Variants in COL6A5 observed in about 807,000 individuals in gnomAD.
COL6A5 encodes collagen alpha-5(VI) chain.
Under a neutral mutation model 65.6 loss-of-function variants are expected in COL6A5, and 48 were observed. The observed-to-expected ratio is 0.73, with a 90% CI of 0.58 to 0.93. The LOEUF (loss-of-function observed/expected upper bound fraction) is 0.93. COL6A5 is among the 40% of genes least tolerant of loss of function. COL6A5 has a pLI of 0.00. For missense variants in COL6A5, 914 were observed against 928.3 expected (o/e 0.98, Z 0.20); for synonymous variants, 291 against 322.8 (o/e 0.90, Z 1.05).
chr3:130,470,005 C>T (rs921817839), intron 6 of COL6A5, among the ~76,000 whole-genome samples: 2 of 152,046 alleles, frequency 1.3e-5, no homozygotes, highest in Admixed American at 1.3e-4. Flanking sequence ...TAATATCACA[C>T]TGACACTGCC....
At chr3:130,393,411 G>A (rs1936474545) in intron 7 of COL6A5, among the ~76,000 whole-genome samples, 1 of 152,082 alleles carries the variant, frequency 6.6e-6, no homozygotes, top group African/African-American at 2.4e-5. Flanking sequence ...TATTTTCCAG[G>A]TGGTAGCACT....
chr3:130,449,763 T>G (rs1709389683), intron 4 of COL6A5, among the ~76,000 whole-genome samples: 1 of 152,096 alleles, frequency 6.6e-6, no homozygotes, highest in Admixed American at 6.6e-5. Context: ...AAAACGGTAT[T>G]AGGTAGTAAA....
intron 7 of COL6A5, among the ~76,000 whole-genome samples, chr3:130,482,438 GT>G (rs1314267715): frequency 2.0e-5 from 3 of 152,110 alleles, no homozygotes; most frequent in Non-Finnish European, 4.4e-5. Flanking sequence ...TGCTGTTTTG[GT>G]TACTGTAGCC....
At chr3:130,461,698 A>G (rs560257721) in intron 5 of COL6A5, among the ~76,000 whole-genome samples, 1 of 152,200 alleles carries the variant, frequency 6.6e-6, no homozygotes, top group South Asian at 2.1e-4. Context: ...AAATCATGTA[A>G]TCATTTGGGA....
chr3:130,440,817 C>A lies in COL6A5; in HGVS notation c.1235C>A (p.Ser412Ter). 6.2e-7 allele frequency: 1 copy of A among 1,607,774 alleles called. No homozygotes were observed. The change falls in exon 3 of 8, where the codon TCG becomes TAG. Residue 412 changes from serine (S) to a stop codon, truncating the protein, a stop_gained. Transcript: ENST00000512836. LOFTEE classifies it high-confidence loss of function. The stretch of plus-strand genomic sequence containing the variant: ...AAGTTCTTAAAGCCATTTTTATACT[C>A]GGTCAGGCGTAAGTTATTATTTCAT...
intron 3 of COL6A5, 102 bp downstream of exon 3, chr3:130,376,938 T>C: frequency 7.6e-7 from 1 of 1,314,640 alleles, no homozygotes; most frequent in Non-Finnish European, 1.0e-6. Flanking sequence ...TGATTAGCCA[T>C]GTTGAAGTAT....
chr3:130,474,350 T>G (rs1451399293), intron 7 of COL6A5, among the ~76,000 whole-genome samples: 1 of 152,028 alleles, frequency 6.6e-6, no homozygotes, highest in African/African-American at 2.4e-5. Context: ...CTACAGAGAA[T>G]CATAACAGGA....
At chr3:130,477,273 C>T (rs1710122934) in intron 7 of COL6A5, 1 of 524,930 alleles carries the variant, frequency 1.9e-6, no homozygotes, top group Middle Eastern at 5.0e-4. Flanking sequence ...TAGTATTATC[C>T]CTATTTGAAT....
chr3:130,426,233 G>A, exon 30 of COL6A5: 1 of 1,551,238 alleles, frequency 6.4e-7, no homozygotes, highest in Non-Finnish European at 8.7e-7. Context: ...GGCATGGCAG[G>A]GCAGCCTGTA....
chr3:130,442,408 G>A (rs1382513132), intron 3 of COL6A5, among the ~76,000 whole-genome samples: 1 of 152,142 alleles, frequency 6.6e-6, no homozygotes, highest in East Asian at 1.9e-4. Flanking sequence ...GTGCCATTAA[G>A]ATTGATGATT....
chr3:130,367,350 C>G (rs1935379546), intron 1 of COL6A5, among the ~76,000 whole-genome samples: 1 of 152,188 alleles, frequency 6.6e-6, no homozygotes, highest in Non-Finnish European at 1.5e-5. Flanking sequence ...CTCTCCTCTT[C>G]CCCTTTGTGC....
At chr3:130,395,457 G>A in exon 8 of COL6A5, 1 of 1,538,276 alleles carries the variant, frequency 6.5e-7, no homozygotes, top group Non-Finnish European at 8.7e-7. Flanking sequence ...CAGAGCTGTG[G>A]GAAAACCAGT....
chr3:130,409,092 C>T (rs1368207681), intron 17 of COL6A5, among the ~76,000 whole-genome samples: 1 of 152,148 alleles, frequency 6.6e-6, no homozygotes, highest in Non-Finnish European at 1.5e-5. Context: ...TCCTATTGGA[C>T]AGTGCTATGT....
At chr3:130,399,373 T>TC (rs201344101) in intron 10 of COL6A5, among the ~76,000 whole-genome samples, 12,363 of 144,848 alleles carry the variant, frequency 0.085, 1,055 homozygotes, top group East Asian at 0.37. Context: ...TTTCTTTCTT[T>TC]TTTTTTTTTT....
In COL6A5 at chr3:130,401,021, TA is replaced by T. The variant is rs1353339262; in HGVS notation, c.3992-9del. The T allele has an allele frequency of 2.6e-6, 4 of 1,527,626 alleles. No individual in the cohort carries two copies. The East Asian group carries it at 9.8e-5, about 38-fold the overall frequency. The allele number at this position is 1,527,626 out of a possible 1,614,324, so 94.6% of individuals were successfully genotyped here. On this transcript the variant is annotated splice_polypyrimidine_tract_variant and intron_variant and NMD_transcript_variant, in intron 10 of 41. Coordinates refer to the COL6A5 transcript ENST00000312481. ...TTTGCTTTATTTATATTGTGGTTTT[TA>T]CCACATAGGACTTGATGCTCTGCTG... is the stretch of plus-strand genomic sequence containing the variant.
At chr3:130,448,313 C>G (rs2107710153) in intron 4 of COL6A5, among the ~76,000 whole-genome samples, 1 of 152,238 alleles carries the variant, frequency 6.6e-6, no homozygotes, top group African/African-American at 2.4e-5. Context: ...CTACGAATTC[C>G]AGTTCTAGTA....
At chr3:130,422,677 G>T in intron 27 of COL6A5, 43 bp from the exon 28 acceptor site, 1 of 1,250,578 alleles carries the variant, frequency 8.0e-7, no homozygotes, top group Non-Finnish European at 1.1e-6. Context: ...TTCTTTCATA[G>T]CAAATACTTT....
exon 9 of COL6A5, chr3:130,397,724 G>A: frequency 6.4e-7 from 1 of 1,551,630 alleles, no homozygotes; most frequent in Non-Finnish European, 8.7e-7. Context: ...GTGAGCTGTG[G>A]GGCTGGCACA....
At chr3:130,363,034 C>A (rs1297178569) in intron 1 of COL6A5, among the ~76,000 whole-genome samples, 1 of 152,130 alleles carries the variant, frequency 6.6e-6, no homozygotes, top group African/African-American at 2.4e-5. Context: ...GCATTAATAT[C>A]TACCATATTT....
Sources: gnomAD v4.1 joint callset for allele counts (sites outside exome capture counted in the v4.1 genomes callset) on GRCh38, gnomAD v4.1.1 for gene constraint, MANE v1.5 for transcripts, NCBI Gene and HGNC (gene_info 2026-07-23, HGNC 2026-07-21) for gene names.